Variants in SHISAL1 observed in about 807,000 individuals in gnomAD.
SHISAL1 encodes shisa like 1.
A neutral mutation model predicts 22.6 loss-of-function variants in SHISAL1; 9 were observed. The ratio of observed to expected loss-of-function variants is 0.40; its 90% CI spans 0.24 to 0.70. The LOEUF is 0.70. Among genes scored for constraint, SHISAL1 ranks in the 30% least tolerant of loss-of-function variants. The pLI is 0.39. For synonymous variants in SHISAL1, 119 were observed against 115.4 expected (o/e 1.03, Z -0.20); for missense variants, 246 against 270.6 (o/e 0.91, Z 0.64).
At chr22:44,290,073 G>C (rs377570508) in intron 3 of SHISAL1, among the ~76,000 whole-genome samples, 1 of 152,240 alleles carries the variant, frequency 6.6e-6, no homozygotes. Flanking sequence ...AGCAGGAAGA[G>C]CAGCTGCAGC....
Sources: allele counts gnomAD v4.1 joint callset (sites outside exome capture counted in the v4.1 genomes callset), GRCh38; gene constraint gnomAD v4.1.1; transcripts MANE v1.5; gene names NCBI Gene and HGNC (gene_info 2026-07-23, HGNC 2026-07-21).